The following EP300 variants were observed in gnomAD, a reference collection of about 807,000 sequenced individuals.
EP300 encodes the protein EP300 lysine acetyltransferase.
A neutral mutation model predicts 264.0 loss-of-function variants in EP300; 31 were observed. That is an observed-to-expected ratio of 0.12 (90% CI 0.09 to 0.16). The LOEUF is 0.16. Among genes scored for constraint, EP300 ranks in the 10% least tolerant of loss-of-function variants. The pLI, the probability that EP300 is intolerant of heterozygous loss-of-function variation, is 1.00. For missense variants in EP300, 2,766 were observed against 3,052.9 expected (o/e 0.91, Z 2.21); for synonymous variants, 1,340 against 1,045.4 (o/e 1.28, Z -5.44).
At chr22:41,167,672 C>G (rs796928532) in intron 23 of EP300, among the ~76,000 whole-genome samples, 2 of 125,992 alleles carry the variant, frequency 1.6e-5, no homozygotes, top group African/African-American at 6.0e-5. Context: ...TTTTTGGAAA[C>G]AAGGTTTCAC....
At chr22:41,120,270 G>A (rs1308982510) in intron 2 of EP300, among the ~76,000 whole-genome samples, 1 of 152,126 alleles carries the variant, frequency 6.6e-6, no homozygotes, top group Non-Finnish European at 1.5e-5. Flanking sequence ...TTCACACCTA[G>A]AATCATTCCA....
intron 10 of EP300, among the ~76,000 whole-genome samples, chr22:41,141,499 T>C (rs190908056): frequency 6.6e-6 from 1 of 152,280 alleles, no homozygotes; most frequent in African/African-American, 2.4e-5. Flanking sequence ...TAGAAAGCAA[T>C]AGCCTACATA....
Position 41,141,225 on chromosome 22 carries a change from A to G in EP300, c.2053+3A>G. On this transcript the variant is annotated splice_donor_region_variant and intron_variant, in intron 10 of 30. Transcript: ENST00000263253. Reference sequence around the variant, plus strand: ...GCCGCAACCAGGAATGACTTCTAGTAAGTGGTTTTTGTTATATTTCTGTTT... The same window carrying G: ...GCCGCAACCAGGAATGACTTCTAGTGAGTGGTTTTTGTTATATTTCTGTTT... The G allele has an allele frequency of 1.9e-6, 3 of 1,613,860 alleles. No homozygotes were observed. The highest frequency in any genetic ancestry group is 2.5e-6 in the Non-Finnish European group (3 of 1,179,762).
chr22:41,146,925 C>G, intron 11 of EP300, 109 bp downstream of exon 11: 1 of 954,826 alleles, frequency 1.0e-6, no homozygotes, highest in South Asian at 1.4e-5. Flanking sequence ...GTCATGATTA[C>G]CTGCCCATAG....
chr22:41,101,497 C>A (rs919236352), intron 1 of EP300, among the ~76,000 whole-genome samples: 1 of 151,458 alleles, frequency 6.6e-6, no homozygotes, highest in East Asian at 1.9e-4. Flanking sequence ...CTGCCAGCTC[C>A]GCCTCCTGGG....
At chr22:41,116,636 C>T (rs1421349601) in intron 1 of EP300, among the ~76,000 whole-genome samples, 1 of 151,958 alleles carries the variant, frequency 6.6e-6, no homozygotes, top group Non-Finnish European at 1.5e-5. Context: ...ACTTTCAATC[C>T]CTTTTTTCCT....
chr22:41,110,335 C>A (rs2058783037), intron 1 of EP300, among the ~76,000 whole-genome samples: 1 of 106,484 alleles, frequency 9.4e-6, no homozygotes, highest in Non-Finnish European at 1.7e-5. Flanking sequence ...CAAAGTCTCA[C>A]TCTGTTGCCC....
chr22:41,137,918 A>T, intron 8 of EP300, 128 bp downstream of exon 8: 1 of 1,263,088 alleles, frequency 7.9e-7, no homozygotes, highest in Non-Finnish European at 1.1e-6. Context: ...TGATGTTGAT[A>T]CTTCTACTCT....
At chr22:41,115,117 A>G (rs993093678) in intron 1 of EP300, among the ~76,000 whole-genome samples, 2 of 152,174 alleles carry the variant, frequency 1.3e-5, no homozygotes, top group African/African-American at 4.8e-5. Context: ...TGCCTTTTTA[A>G]TGTGAAAACT....
In EP300 at chr22:41,117,379, G is replaced by C. The variant is rs779548244; in HGVS notation, c.287G>C (p.Gly96Ala). 3.1e-6 allele frequency: 5 copies of C among 1,614,156 alleles called. No homozygotes were observed. Among genetic ancestry groups the C allele is most frequent in the Non-Finnish European group, 3.4e-6 (4 of 1,180,026 alleles). ...RSGSSPNLNM[G>A]VGGPGQVMAS... The stretch of plus-strand genomic sequence containing the variant: ...GGTAGTTCCCCTAACCTCAATATGG[G>C]AGTTGGTGGCCCAGGTCAAGTCATG... Residue 96 changes from glycine to alanine, a missense_variant, in exon 2 of 31, where the codon GGA becomes GCA. Gly to Ala is a moderately conservative substitution (Grantham distance 60). Transcript: ENST00000263253.
chr22:41,105,190 C>T (rs1454405741), intron 1 of EP300, among the ~76,000 whole-genome samples: 72 of 78,312 alleles, frequency 9.2e-4, no homozygotes, highest in African/African-American at 3.4e-3. Context: ...GAGCGAGACT[C>T]CATCTCAGAA....
At position 41,169,569 on chromosome 22, in the gene EP300, C is replaced by A. The variant is rs1333662621; in HGVS notation, c.4239C>A (p.Val1413=). The A allele has an allele frequency of 6.2e-7, 1 of 1,609,902 alleles. No homozygotes were observed. Among genetic ancestry groups the A allele is most frequent in the South Asian group, 1.1e-5 (1 of 90,962 alleles). Residue 1413 remains valine, a synonymous_variant, in exon 26 of 31, where the codon GTC becomes GTA. Transcript: ENST00000263253. ...FFRPKCLRTA[V]YHEILIGYLE... ...GTCCTAAATGCTTGAGGACTGCAGT[C>A]TATCATGAAATCCTAATTGGATATT...
Position 41,131,239 on chromosome 22 carries a change from C to G in EP300, c.1283-149C>G, listed in dbSNP as rs542935264. On this transcript the variant is annotated intron_variant, in intron 5 of 30. Coordinates refer to ENST00000263253, the MANE Select transcript of EP300 (RefSeq NM_001429.4). The stretch of plus-strand genomic sequence containing the variant: ...CAATCAGTTCTGCATCTAGAAATTT[C>G]TTCCAGGAAATAATGGAAGACAAGA... 34 of 930,588 alleles carry G rather than the reference C, an allele frequency of 3.7e-5. No individual in the cohort carries two copies. The African/African-American group carries it at 4.9e-4, about 13-fold the overall frequency. The allele number at this position is 930,588 out of a possible 1,614,324, so 57.6% of individuals were successfully genotyped here. A position where few individuals can be genotyped will look rare whatever the true frequency, so the allele number is the denominator to read the frequency against.
chr22:41,135,582 A>T, intron 6 of EP300, among the ~76,000 whole-genome samples: 1 of 149,104 alleles, frequency 6.7e-6, no homozygotes, highest in South Asian at 2.1e-4. Context: ...TTTTTAAGTT[A>T]TGTTTCGTTT....
intron 28 of EP300, 144 bp from the exon 29 acceptor site, chr22:41,173,479 G>A: frequency 1.1e-6 from 1 of 907,148 alleles, no homozygotes; most frequent in Non-Finnish European, 1.7e-6. Flanking sequence ...TAAGGAGAAA[G>A]AATAAGTGAA....
chr22:41,097,594 T>G (rs1327117558), intron 1 of EP300, among the ~76,000 whole-genome samples: 1 of 152,212 alleles, frequency 6.6e-6, no homozygotes, highest in African/African-American at 2.4e-5. Context: ...CTGGTATATT[T>G]ACAAAAACAA....
intron 16 of EP300, among the ~76,000 whole-genome samples, chr22:41,153,235 C>T (rs1023979393): frequency 6.6e-6 from 1 of 152,118 alleles, no homozygotes; most frequent in Non-Finnish European, 1.5e-5. Flanking sequence ...TATTTTAGGA[C>T]TAGAACTTTT....
At chr22:41,105,776 G>A (rs2058755326) in intron 1 of EP300, among the ~76,000 whole-genome samples, 1 of 152,176 alleles carries the variant, frequency 6.6e-6, no homozygotes, top group African/African-American at 2.4e-5. Flanking sequence ...ATGATAGCAG[G>A]ACCATGTGAA....
intron 16 of EP300, among the ~76,000 whole-genome samples, chr22:41,153,462 C>G (rs2059058591): frequency 6.6e-6 from 1 of 152,096 alleles, no homozygotes; most frequent in Non-Finnish European, 1.5e-5. Flanking sequence ...TATTGGCAAT[C>G]TCTCTTTAAA....
Sources: allele counts gnomAD v4.1 joint callset (sites outside exome capture counted in the v4.1 genomes callset), GRCh38; gene constraint gnomAD v4.1.1; transcripts MANE v1.5; gene names NCBI Gene and HGNC (gene_info 2026-07-23, HGNC 2026-07-21).